The following LRRC4C variants were observed in gnomAD, a reference collection of about 807,000 sequenced individuals.
LRRC4C encodes the protein leucine rich repeat containing 4C.
In LRRC4C, 5 loss-of-function variants were observed where a neutral mutation model predicts 33.6. That is an observed-to-expected ratio of 0.15 (90% CI 0.08 to 0.31). LRRC4C has a LOEUF of 0.31. LRRC4C is among the 10% of genes least tolerant of loss of function. LRRC4C has a pLI of 1.00. For synonymous variants in LRRC4C, 329 were observed against 302.0 expected, an observed-to-expected ratio of 1.09 and a Z score of -0.93; for missense variants, 560 against 796.7, an observed-to-expected ratio of 0.70 and a Z score of 3.58.
rs745847556 is a variant in LRRC4C, at chr11:40,115,071, C to T, written c.1222G>A (p.Asp408Asn). ...AYKVRIAVLS[D>N]GTLNFTNVTV... ...ACATTTGTGAAATTTAACGTACCAT[C>T]ACTGAGCACAGCTATCCGCACTTTG... Residue 408 changes from aspartate (D) to asparagine (N), a missense_variant, in exon 7 of 7, where the codon GAT becomes AAT. By Grantham distance (23) the Asp-to-Asn change is conservative. Transcript: ENST00000528697. This position sits in a 1 kb window ranked among gnomAD's most constrained non-coding sequence, Gnocchi z 6.7. The T allele has an allele frequency of 1.2e-6, 2 of 1,614,234 alleles. No homozygotes were observed. The highest frequency in any genetic ancestry group is 1.7e-5 in the Admixed American group (1 of 60,030).
intron 1 of LRRC4C, among the ~76,000 whole-genome samples, chr11:41,217,354 T>A (rs1267018321): frequency 6.6e-6 from 1 of 152,130 alleles, no homozygotes; most frequent in Non-Finnish European, 1.5e-5. Flanking sequence ...AAAGCAGGAC[T>A]TCAATATACA....
At chr11:41,021,194 AG>A (rs1855946529) in intron 1 of LRRC4C, among the ~76,000 whole-genome samples, 1 of 70,300 alleles carries the variant, frequency 1.4e-5, no homozygotes, top group Admixed American at 1.2e-4. Flanking sequence ...AGAGAGAGAG[AG>A]AGAGAGAGAG....
rs556175671 is a variant in LRRC4C at position 40,848,106 on chromosome 11, C to G, written c.-407+85529G>C. Among the ~76,000 whole-genome samples the G allele has an allele frequency of 1.7e-4, 25 of 150,188 alleles. 1 individual carries two copies. Among genetic ancestry groups the G allele is most frequent in the Non-Finnish European group, 3.1e-4 (21 of 67,228 alleles). ...CTATCTTTTTTTTTAAAAAAAGCCC[C>G]TGGATTGATTTTTTGATGGGTTTTT... On this transcript the variant is annotated intron_variant, in intron 2 of 6. Coordinates refer to ENST00000528697, the MANE Select transcript of LRRC4C (RefSeq NM_001258419.2).
At chr11:41,355,564 A>G (rs375862473) in intron 1 of LRRC4C, among the ~76,000 whole-genome samples, 3 of 152,266 alleles carry the variant, frequency 2.0e-5, no homozygotes, top group South Asian at 4.1e-4. Flanking sequence ...TCTCAGGGAT[A>G]GTTAAATATT....
intron 1 of LRRC4C, among the ~76,000 whole-genome samples, chr11:41,234,125 T>C (rs2136486007): frequency 6.6e-6 from 1 of 152,194 alleles, no homozygotes; most frequent in Non-Finnish European, 1.5e-5. Context: ...CCTCTTTGTC[T>C]CATACCTGAC....
intron 2 of LRRC4C, among the ~76,000 whole-genome samples, chr11:40,848,472 T>TA (rs1953309222): frequency 6.6e-6 from 1 of 152,046 alleles, no homozygotes; most frequent in Non-Finnish European, 1.5e-5. Flanking sequence ...GTTTCTTAAT[T>TA]CTGAGTTCTA....
At chr11:41,358,776 A>T (rs932698900) in intron 1 of LRRC4C, among the ~76,000 whole-genome samples, 1 of 152,178 alleles carries the variant, frequency 6.6e-6, no homozygotes, top group African/African-American at 2.4e-5. Context: ...TCATTAATTG[A>T]TGGTGGAAGT....
intron 1 of LRRC4C, among the ~76,000 whole-genome samples, chr11:41,015,697 T>C (rs962202624): frequency 6.6e-6 from 1 of 152,094 alleles, no homozygotes; most frequent in Non-Finnish European, 1.5e-5. Flanking sequence ...TAATTTAAAT[T>C]TGGAAAAAAA....
At chr11:41,300,050 T>C (rs1950244642) in intron 1 of LRRC4C, among the ~76,000 whole-genome samples, 1 of 152,106 alleles carries the variant, frequency 6.6e-6, no homozygotes, top group African/African-American at 2.4e-5. Context: ...GAATCAAAAA[T>C]AATTTTGCTG....
intron 2 of LRRC4C, among the ~76,000 whole-genome samples, chr11:40,723,525 G>A (rs1448972863): frequency 2.0e-5 from 3 of 152,036 alleles, no homozygotes; most frequent in Admixed American, 2.0e-4. Flanking sequence ...GATAAGCAAA[G>A]GAGAAATAAA....
At chr11:41,458,157 G>T (rs1956228736) in intron 1 of LRRC4C, among the ~76,000 whole-genome samples, 1 of 152,016 alleles carries the variant, frequency 6.6e-6, no homozygotes, top group Admixed American at 6.6e-5. Context: ...ATCAACAGCT[G>T]GAGAGAATCA....
intron 3 of LRRC4C, among the ~76,000 whole-genome samples, chr11:40,496,072 CT>C (rs1385122581): frequency 2.0e-5 from 3 of 152,054 alleles, no homozygotes; most frequent in South Asian, 4.1e-4. Context: ...CTCGGGTGAT[CT>C]GCTCACCTTG....
At position 40,648,215 on chromosome 11, in the gene LRRC4C, A is replaced by G. The variant is rs1942578896; in HGVS notation, c.-343T>C. On this transcript the variant is annotated 5_prime_UTR_variant, in exon 3 of 7. Transcript: ENST00000528697. ...CCCACTTAATTTATGGCGATTCCAA[A>G]GTAGTCTCAGGATGTTTCCATATTG... The G allele has an allele frequency of 6.6e-6, 1 of 152,212 alleles. No homozygotes were observed. Among genetic ancestry groups the G allele is most frequent in the African/African-American group, 2.4e-5 (1 of 41,446 alleles). The allele number at this position is 152,212 out of a possible 1,614,324, so 9.4% of individuals were successfully genotyped here.
intron 2 of LRRC4C, among the ~76,000 whole-genome samples, chr11:40,907,325 A>G (rs1234312652): frequency 1.3e-5 from 2 of 152,200 alleles, no homozygotes; most frequent in African/African-American, 4.8e-5. Flanking sequence ...AACATGCTTC[A>G]GTGAGGAAAG....
intron 1 of LRRC4C, among the ~76,000 whole-genome samples, chr11:41,034,180 A>G (rs1856893645): frequency 6.6e-6 from 1 of 151,916 alleles, no homozygotes; most frequent in South Asian, 2.1e-4. Context: ...TATCATAGGA[A>G]CAAGTCTTTA....
At chr11:40,972,943 G>A (rs1166388144) in intron 1 of LRRC4C, among the ~76,000 whole-genome samples, 1 of 152,054 alleles carries the variant, frequency 6.6e-6, no homozygotes, top group Non-Finnish European at 1.5e-5. Flanking sequence ...TGAATCATGG[G>A]GGCAGTTTCT....
At chr11:40,455,861 ATCTT>A (rs1952108471) in intron 3 of LRRC4C, among the ~76,000 whole-genome samples, 2 of 151,938 alleles carry the variant, frequency 1.3e-5, no homozygotes, top group African/African-American at 4.8e-5. Flanking sequence ...AACTCATTTT[ATCTT>A]CAAATTTTAA....
At chr11:40,192,310 A>G (rs1861909271) in intron 5 of LRRC4C, among the ~76,000 whole-genome samples, 1 of 152,012 alleles carries the variant, frequency 6.6e-6, no homozygotes, top group African/African-American at 2.4e-5. Flanking sequence ...GGTGCAGCCC[A>G]CAGAGGGCGA....
chr11:40,358,863 T>C lies in LRRC4C; in HGVS notation c.-269-39142A>G, dbSNP rs186845781. On this transcript the variant is annotated intron_variant, in intron 3 of 6. Coordinates refer to ENST00000528697, the MANE Select transcript of LRRC4C (RefSeq NM_001258419.2). ...CAAGGAAGCTATTCATTCATTCATT[T>C]ATTTATTTATTTATTTAATTTTAAC... 9.0e-4 allele frequency among the ~76,000 whole-genome samples: 137 copies of C among 152,020 alleles called. 1 individual carries two copies. The highest frequency in any genetic ancestry group is 3.5e-3 in the South Asian group (17 of 4,826).
Sources: gnomAD v4.1 joint callset for allele counts (sites outside exome capture counted in the v4.1 genomes callset) on GRCh38, gnomAD v4.1.1 for gene constraint, Gnocchi (gnomAD v3.1) non-coding constraint, MANE v1.5 for transcripts, NCBI Gene and HGNC (gene_info 2026-07-23, HGNC 2026-07-21) for gene names.